Variants in BBS2 observed in about 807,000 individuals in gnomAD.
The protein encoded by BBS2 is Bardet-Biedl syndrome 2.
A neutral mutation model predicts 83.0 loss-of-function variants in BBS2; 62 were observed. That is an observed-to-expected ratio of 0.75 (90% CI 0.61 to 0.92). The LOEUF (loss-of-function observed/expected upper bound fraction) is 0.92, where lower values mean the gene tolerates loss of function less well. BBS2 is among the 40% of genes least tolerant of loss of function. The pLI is 0.00. For missense variants in BBS2, 784 were observed against 901.0 expected (o/e 0.87, Z 1.66); for synonymous variants, 303 against 326.1 (o/e 0.93, Z 0.76).
Position 56,502,638 on chromosome 16 carries a change from G to A in BBS2, c.940+35C>T, listed in dbSNP as rs140374021. 146 of 1,613,944 alleles carry A rather than the reference G, an allele frequency of 9.0e-5. No individual in the cohort carries two copies. The Admixed American group carries it at 1.5e-3, about 16-fold the overall frequency. ...ATTTTGACCCAATCAAATGGAAAAC[G>A]TGACTTTTTAAGGATTTTTCTCATC... On this transcript the variant is annotated intron_variant, in intron 8 of 16. Coordinates refer to ENST00000245157, the MANE Select transcript of BBS2 (RefSeq NM_031885.5).
chr16:56,475,396 C>T, intron 17 of BBS2: 1 of 966,310 alleles, frequency 1.0e-6, no homozygotes, highest in Non-Finnish European at 1.7e-6. Flanking sequence ...CCAGTTACTG[C>T]TGAACTCCCA....
chr16:56,509,283 C>G (rs1323542009), intron 5 of BBS2: 2 of 152,802 alleles, frequency 1.3e-5, no homozygotes, highest in Non-Finnish European at 2.9e-5. Flanking sequence ...GGGCGGATCA[C>G]TTGAGGTCTG....
intron 15 of BBS2, 127 bp from the exon 16 acceptor site, chr16:56,485,865 G>C: frequency 1.2e-6 from 1 of 800,004 alleles, no homozygotes; most frequent in South Asian, 1.5e-5. Flanking sequence ...TTAAAATCGA[G>C]TAACTGCTAG....
Position 56,519,842 on chromosome 16 carries a change from G to T in BBS2, c.21C>A (p.Thr7=). 1 of 1,613,798 alleles carries T rather than the reference G, an allele frequency of 6.2e-7. No individual in the cohort carries two copies. Among genetic ancestry groups the T allele is most frequent in the Non-Finnish European group, 8.5e-7 (1 of 1,179,756 alleles). Residue 7 remains threonine, a synonymous_variant, in exon 1 of 17, where the codon ACC becomes ACA. Coordinates refer to ENST00000245157, the MANE Select transcript of BBS2 (RefSeq NM_031885.5). ...GGCTGATTTTGTGGCGCAGTTTCAG[G>T]GTGAACACAGGCAGCAGCATGATGG... MLLPVF[T]LKLRHKISPR...
At chr16:56,472,462 C>T (rs1169520013) in intron 17 of BBS2, among the ~76,000 whole-genome samples, 1 of 152,140 alleles carries the variant, frequency 6.6e-6, no homozygotes. Flanking sequence ...ACGAAGTTTA[C>T]CATCTTGAAG....
chr16:56,504,261 T>G (rs776226171), intron 7 of BBS2, among the ~76,000 whole-genome samples: 1 of 152,252 alleles, frequency 6.6e-6, no homozygotes, highest in Non-Finnish European at 1.5e-5. Context: ...CAGACTGACC[T>G]GAACTTGCTT....
Position 56,489,355 on chromosome 16 carries a change from T to A in BBS2, c.1911-3617A>T, listed in dbSNP as rs1469141. ...GATTCTGTCTCAAAATAATTTTTTTTAAAAAAGAATGATATTGTCAAATGA... is the reference window on the plus strand; with the variant it reads ...GATTCTGTCTCAAAATAATTTTTTTAAAAAAAGAATGATATTGTCAAATGA... On this transcript the variant is annotated intron_variant, in intron 15 of 16. Coordinates refer to ENST00000245157, the MANE Select transcript of BBS2 (RefSeq NM_031885.5). Among the ~76,000 whole-genome samples the A allele has an allele frequency of 5.9e-3, 903 of 151,910 alleles. 9 individuals carry two copies. Among genetic ancestry groups the A allele is most frequent in the African/African-American group, 0.021 (865 of 41,422 alleles).
In BBS2 at chr16:56,505,443, G is replaced by A. The variant is rs556120602; in HGVS notation, c.804+507C>T. ...CAGCTACCTAGGCAGCTTCTAAGAA[G>A]ACAATCCTGACTTGCCAAAAGACTG... On this transcript the variant is annotated intron_variant, in intron 7 of 16. Transcript: ENST00000245157. Among the ~76,000 whole-genome samples, 36 of 152,322 alleles carry A rather than the reference G, an allele frequency of 2.4e-4. 1 individual carries two copies. The highest frequency in any genetic ancestry group is 8.2e-4 in the African/African-American group (34 of 41,560).
At chr16:56,476,151 A>G in intron 17 of BBS2, 4 of 1,613,648 alleles carry the variant, frequency 2.5e-6, no homozygotes, top group African/African-American at 1.3e-5. Context: ...AACAAAAGAA[A>G]ACCTTCCCAA....
rs372215580 is a variant in BBS2 at position 56,502,287 on chromosome 16, T to A, written c.1080+30A>T. ...GTCAGTCTCAACATTTCAGCCTCCA[T>A]TACCTGGTCACATTAGGACCTACAC... On this transcript the variant is annotated intron_variant, in intron 9 of 16. Transcript: ENST00000245157. 1.9e-6 allele frequency: 3 copies of A among 1,613,976 alleles called. No individual in the cohort carries two copies. The South Asian group carries it at 3.3e-5, about 18-fold the overall frequency.
chr16:56,486,906 G>A (rs1248668250), intron 15 of BBS2, among the ~76,000 whole-genome samples: 1 of 151,868 alleles, frequency 6.6e-6, no homozygotes, highest in Non-Finnish European at 1.5e-5. Flanking sequence ...GGGATTACAG[G>A]TACCCGCCAC....
Position 56,484,495 on chromosome 16 carries a change from T to C in BBS2, c.*266A>G. On this transcript the variant is annotated 3_prime_UTR_variant, in exon 17 of 17. Coordinates refer to ENST00000245157, the MANE Select transcript of BBS2 (RefSeq NM_031885.5). ...ATTTATATACCATAAATAAGCAAAA[T>C]TGGACTCTGAAGCCCTAATACTTCA... The C allele has an allele frequency of 3.0e-6, 1 of 331,034 alleles. No individual in the cohort carries two copies. Among genetic ancestry groups the C allele is most frequent in the Non-Finnish European group, 5.6e-6 (1 of 177,074 alleles). 20.5% of individuals were successfully genotyped at this position (331,034 alleles called of 1,614,324 possible). A position where few individuals can be genotyped will look rare whatever the true frequency, so the allele number is the denominator to read the frequency against.
intron 15 of BBS2, among the ~76,000 whole-genome samples, chr16:56,489,279 T>G (rs1022136478): frequency 6.6e-6 from 1 of 152,110 alleles, no homozygotes; most frequent in Non-Finnish European, 1.5e-5. Flanking sequence ...AGGCCGAGGT[T>G]GCAGTGAGCT....
chr16:56,500,659 TACATA>T (rs1964244644), intron 11 of BBS2, 190 bp downstream of exon 11: 1 of 584,326 alleles, frequency 1.7e-6, no homozygotes, highest in South Asian at 2.1e-5. Flanking sequence ...ATCTTAAACT[TACATA>T]TCAGTTTTTC....
intron 7 of BBS2, among the ~76,000 whole-genome samples, chr16:56,503,138 A>C (rs1362521947): frequency 6.6e-6 from 1 of 152,240 alleles, no homozygotes; most frequent in Non-Finnish European, 1.5e-5. Context: ...TTAATGGCCA[A>C]ACCGCTCAGG....
In BBS2 at chr16:56,502,235, A is replaced by G. The variant is rs1330909487; in HGVS notation, c.1080+82T>C. ...GCCACACCCTGGCAATGACACTCTC[A>G]TTCTTCCATATTTGCTGATCCTCCC... On this transcript the variant is annotated intron_variant, in intron 9 of 16. Coordinates refer to ENST00000245157, the MANE Select transcript of BBS2 (RefSeq NM_031885.5). The G allele has an allele frequency of 1.9e-6, 3 of 1,585,572 alleles. No homozygotes were observed. In the Admixed American group the frequency reaches 5.0e-5, roughly 26 times the overall value.
rs761135398 is a variant in BBS2 at position 56,510,041 on chromosome 16, G to A, written c.535-7C>T. Reference sequence around the variant, plus strand: ...CCTCAGATCCAACAAGAAGCTGAAGGGGAAATATCATACATGTTCAGGTGA... The same window carrying A: ...CCTCAGATCCAACAAGAAGCTGAAGAGGAAATATCATACATGTTCAGGTGA... On this transcript the variant is annotated splice_region_variant and splice_polypyrimidine_tract_variant and intron_variant, in intron 4 of 16. Coordinates refer to ENST00000245157, the MANE Select transcript of BBS2 (RefSeq NM_031885.5). The A allele has an allele frequency of 4.3e-6, 7 of 1,613,510 alleles. No homozygotes were observed. The South Asian group carries it at 4.4e-5, about 10-fold the overall frequency.
At chr16:56,496,844 G>T in intron 15 of BBS2, 123 bp downstream of exon 15, 1 of 796,316 alleles carries the variant, frequency 1.3e-6, no homozygotes, top group South Asian at 1.4e-5. Flanking sequence ...TACTGATAAT[G>T]CCAAGTTATT....
chr16:56,488,891 T>G (rs1171618235), intron 15 of BBS2, among the ~76,000 whole-genome samples: 1 of 152,188 alleles, frequency 6.6e-6, no homozygotes, highest in African/African-American at 2.4e-5. Flanking sequence ...TAGGAGTTAT[T>G]ATGTCAGGAA....
Sources: gnomAD v4.1 joint callset for allele counts (sites outside exome capture counted in the v4.1 genomes callset) on GRCh38, gnomAD v4.1.1 for gene constraint, MANE v1.5 for transcripts, NCBI Gene and HGNC (gene_info 2026-07-23, HGNC 2026-07-21) for gene names.